DLC1: variants seen among roughly 807,000 people sequenced by gnomAD.
DLC1 encodes DLC1 Rho GTPase activating protein.
Under a neutral mutation model 140.3 loss-of-function variants are expected in DLC1, and 54 were observed. The observed-to-expected ratio is 0.38, with a 90% CI of 0.31 to 0.48. The LOEUF is 0.48. Among genes scored for constraint, DLC1 ranks in the 20% least tolerant of loss-of-function variants. DLC1 has a pLI of 0.96. For missense variants in DLC1, 2,536 were observed against 1,907.0 expected, an observed-to-expected ratio of 1.33 and a Z score of -6.14; for synonymous variants, 986 against 728.1, an observed-to-expected ratio of 1.35 and a Z score of -5.70.
At chr8:13,302,175 C>G (rs1370241713) in intron 5 of DLC1, among the ~76,000 whole-genome samples, 1 of 152,142 alleles carries the variant, frequency 6.6e-6, no homozygotes, top group Non-Finnish European at 1.5e-5. Flanking sequence ...GCCTGGGAAG[C>G]TTTTTGAATA....
intron 2 of DLC1, among the ~76,000 whole-genome samples, chr8:13,430,299 T>G (rs993615161): frequency 3.3e-5 from 5 of 152,186 alleles, no homozygotes; most frequent in South Asian, 4.1e-4. Flanking sequence ...TAGTGGCCTT[T>G]GAGAAACAAA....
At chr8:13,258,654 T>C (rs1235075019) in intron 5 of DLC1, among the ~76,000 whole-genome samples, 2 of 152,162 alleles carry the variant, frequency 1.3e-5, no homozygotes, top group Non-Finnish European at 2.9e-5. Context: ...TGTAAGTTGG[T>C]TGTTGCAGTA....
chr8:13,448,607 C>T (rs967358939), intron 2 of DLC1, among the ~76,000 whole-genome samples: 2 of 152,176 alleles, frequency 1.3e-5, no homozygotes, highest in African/African-American at 2.4e-5. Context: ...AGGTGATCCA[C>T]CTCAGCTTCC....
chr8:13,186,917 G>T (rs1826405344), intron 5 of DLC1, among the ~76,000 whole-genome samples: 1 of 152,212 alleles, frequency 6.6e-6, no homozygotes, highest in African/African-American at 2.4e-5. Context: ...TCCCTCAGCT[G>T]CAGGTCTGTT....
intron 1 of DLC1, among the ~76,000 whole-genome samples, chr8:13,587,438 A>G (rs1805361686): frequency 2.6e-5 from 4 of 151,854 alleles, no homozygotes; most frequent in Admixed American, 1.3e-4. Context: ...GGAGACATGC[A>G]TTACATGTAC....
intron 4 of DLC1, chr8:13,339,350 A>C (rs6991895): frequency 0.46 from 69,700 of 152,104 alleles, 16,442 homozygotes; most frequent in Admixed American, 0.55. Context: ...GAGGCTTGTG[A>C]AGCAATTAGC....
rs1054994645 is a variant in DLC1 at position 13,163,321 on chromosome 8, G to A, written c.1349-47664C>T. ...TAAATTGCATGCTCAGCTGATCAAA[G>A]TTGGGAGAAAGGAACATAATTCATC... On this transcript the variant is annotated intron_variant, in intron 5 of 17. Transcript: ENST00000276297. Among the ~76,000 whole-genome samples the A allele has an allele frequency of 4.6e-5, 7 of 152,178 alleles. 1 individual carries two copies. In the South Asian group the frequency reaches 8.3e-4, roughly 18 times the overall value.
intron 2 of DLC1, among the ~76,000 whole-genome samples, chr8:13,485,598 A>G (rs1011968924): frequency 6.6e-6 from 1 of 152,226 alleles, no homozygotes; most frequent in Admixed American, 6.5e-5. Context: ...ATCTGTTGAC[A>G]TCTCCTGAGT....
intron 4 of DLC1, among the ~76,000 whole-genome samples, chr8:13,389,438 T>A (rs1346268383): frequency 6.6e-6 from 1 of 152,090 alleles, no homozygotes; most frequent in Non-Finnish European, 1.5e-5. Context: ...ACGAAAGGCA[T>A]TGTGAGATTG....
chr8:13,142,788 G>A (rs898953605), intron 5 of DLC1, among the ~76,000 whole-genome samples: 3 of 152,264 alleles, frequency 2.0e-5, no homozygotes, highest in Non-Finnish European at 2.9e-5. Context: ...GGTGGCTCAC[G>A]CCTGTAATCC....
intron 4 of DLC1, among the ~76,000 whole-genome samples, chr8:13,320,817 C>G (rs1833071675): frequency 1.3e-5 from 2 of 152,144 alleles, no homozygotes; most frequent in Non-Finnish European, 2.9e-5. Flanking sequence ...GAGTTCTAGA[C>G]CAGCCTGAGT....
chr8:13,111,728 C>A (rs1439066900), intron 6 of DLC1, among the ~76,000 whole-genome samples: 1 of 151,882 alleles, frequency 6.6e-6, no homozygotes, highest in Non-Finnish European at 1.5e-5. Context: ...AATCATGGGC[C>A]TCCTCAGTAG....
At chr8:13,382,916 A>G (rs1310977561) in intron 4 of DLC1, among the ~76,000 whole-genome samples, 1 of 152,218 alleles carries the variant, frequency 6.6e-6, no homozygotes, top group Non-Finnish European at 1.5e-5. Context: ...GAATTTTGTA[A>G]CTGTGACTTT....
At chr8:13,403,807 G>GATT (rs746050193) in intron 2 of DLC1, among the ~76,000 whole-genome samples, 7 of 87,294 alleles carry the variant, frequency 8.0e-5, no homozygotes, top group African/African-American at 3.2e-4. Flanking sequence ...AGGTCTGGCT[G>GATT]TTTTTTTTTT....
At chr8:13,485,095 G>C (rs1357339954) in intron 2 of DLC1, among the ~76,000 whole-genome samples, 1 of 152,104 alleles carries the variant, frequency 6.6e-6, no homozygotes, top group Non-Finnish European at 1.5e-5. Context: ...AAGTGTGGTG[G>C]CTATTTTAAA....
At chr8:13,425,791 T>TTG (rs1838547330) in intron 2 of DLC1, among the ~76,000 whole-genome samples, 1 of 152,200 alleles carries the variant, frequency 6.6e-6, no homozygotes, top group Admixed American at 6.5e-5. Flanking sequence ...TTTTTATTTT[T>TTG]GGGGTGATAG....
intron 2 of DLC1, among the ~76,000 whole-genome samples, chr8:13,496,429 G>A (rs1801505638): frequency 6.6e-6 from 1 of 151,800 alleles, no homozygotes; most frequent in African/African-American, 2.4e-5. Flanking sequence ...AGATTATATG[G>A]GGTAAAAAGT....
At chr8:13,548,046 C>A (rs1010472695) in intron 1 of DLC1, among the ~76,000 whole-genome samples, 1 of 152,010 alleles carries the variant, frequency 6.6e-6, no homozygotes, top group African/African-American at 2.4e-5. Context: ...CTGTATCTAT[C>A]AGAATCTCTT....
intron 4 of DLC1, among the ~76,000 whole-genome samples, chr8:13,386,340 A>C (rs1836518344): frequency 6.6e-6 from 1 of 152,122 alleles, no homozygotes; most frequent in Admixed American, 6.5e-5. Context: ...AGATTACTAC[A>C]AACTAAACAC....
Sources: allele counts gnomAD v4.1 joint callset (sites outside exome capture counted in the v4.1 genomes callset), GRCh38; gene constraint gnomAD v4.1.1; transcripts MANE v1.5; gene names NCBI Gene and HGNC (gene_info 2026-07-23, HGNC 2026-07-21).